TUBGCP3: variants seen among roughly 807,000 people sequenced by gnomAD.
The protein encoded by TUBGCP3 is tubulin gamma complex component 3.
Under a neutral mutation model 123.1 loss-of-function variants are expected in TUBGCP3, and 50 were observed. That is an observed-to-expected ratio of 0.41 (90% CI 0.32 to 0.51). The LOEUF (loss-of-function observed/expected upper bound fraction) is 0.51, where lower values mean the gene tolerates loss of function less well. TUBGCP3 is among the 20% of genes least tolerant of loss of function. The pLI, the probability that TUBGCP3 is intolerant of heterozygous loss-of-function variation, is 0.36. For synonymous variants in TUBGCP3, 405 were observed against 413.9 expected, an observed-to-expected ratio of 0.98 and a Z score of 0.26; for missense variants, 882 against 1,127.0, an observed-to-expected ratio of 0.78 and a Z score of 3.11.
intron 1 of TUBGCP3, among the ~76,000 whole-genome samples, chr13:112,575,490 A>G (rs1338599218): frequency 6.6e-6 from 1 of 152,226 alleles, no homozygotes; most frequent in Non-Finnish European, 1.5e-5. Context: ...GGAAAAACAG[A>G]CATTCACAAA....
At chr13:112,499,253 T>C in intron 19 of TUBGCP3, 68 bp from the exon 20 acceptor site, 2 of 1,513,526 alleles carry the variant, frequency 1.3e-6, no homozygotes, top group Non-Finnish European at 8.8e-7. Flanking sequence ...AAAACATTGA[T>C]ATTTAGTGAA....
intron 3 of TUBGCP3, among the ~76,000 whole-genome samples, chr13:112,561,740 C>T (rs557207622): frequency 1.3e-5 from 2 of 152,176 alleles, no homozygotes; most frequent in South Asian, 2.1e-4. Flanking sequence ...GTGAAATGAC[C>T]GGTAGGTGAA....
chr13:112,555,129 A>G (rs1435796871), intron 6 of TUBGCP3, 124 bp from the exon 7 acceptor site: 1 of 620,812 alleles, frequency 1.6e-6, no homozygotes, highest in Non-Finnish European at 2.8e-6. Context: ...AACTCAATAA[A>G]TAAGCTCAAG....
At chr13:112,525,924 T>C (rs1304170028) in intron 13 of TUBGCP3, among the ~76,000 whole-genome samples, 2 of 152,218 alleles carry the variant, frequency 1.3e-5, no homozygotes, top group African/African-American at 2.4e-5. Context: ...ATTTACACAG[T>C]ACTATATATA....
intron 3 of TUBGCP3, among the ~76,000 whole-genome samples, chr13:112,563,816 A>T (rs192287745): frequency 7.2e-5 from 11 of 152,040 alleles, no homozygotes; most frequent in African/African-American, 2.7e-4. Context: ...CAGAGCTTGC[A>T]GTGAGCCCAG....
chr13:112,577,224 GA>G (rs1054460940), intron 1 of TUBGCP3, among the ~76,000 whole-genome samples: 1 of 152,064 alleles, frequency 6.6e-6, no homozygotes, highest in Non-Finnish European at 1.5e-5. Flanking sequence ...AATACAGGCA[GA>G]AAAAAAGAGT....
intron 11 of TUBGCP3, among the ~76,000 whole-genome samples, chr13:112,538,177 A>G (rs1365560108): frequency 6.6e-6 from 1 of 152,196 alleles, no homozygotes; most frequent in Non-Finnish European, 1.5e-5. Flanking sequence ...TCTGAAATCC[A>G]GAATGCTCAA....
intron 20 of TUBGCP3, among the ~76,000 whole-genome samples, chr13:112,495,906 G>T (rs146532540): frequency 6.6e-6 from 1 of 152,268 alleles, no homozygotes; most frequent in East Asian, 1.9e-4. Flanking sequence ...GAATTTGAAT[G>T]CATCTATTTA....
At chr13:112,568,909 A>G (rs1443249386) in intron 2 of TUBGCP3, among the ~76,000 whole-genome samples, 1 of 152,260 alleles carries the variant, frequency 6.6e-6, no homozygotes, top group Admixed American at 6.5e-5. Flanking sequence ...ACAAATGGAA[A>G]GCTTTCTTCT....
chr13:112,588,056 C>T lies in TUBGCP3; in HGVS notation c.-76G>A. Reference sequence around the variant, plus strand: ...GCACGCGCAGGGACCGCGGCCCGCGCCCTTCCTGCGCCCCGCAAGCTCCCT... The same window carrying T: ...GCACGCGCAGGGACCGCGGCCCGCGTCCTTCCTGCGCCCCGCAAGCTCCCT... On this transcript the variant is annotated 5_prime_UTR_variant, in exon 1 of 22. Transcript: ENST00000261965. 8.0e-7 allele frequency: 1 copy of T among 1,242,668 alleles called. No homozygotes were observed. Among genetic ancestry groups the T allele is most frequent in the Non-Finnish European group, 1.0e-6 (1 of 954,446 alleles). The allele number at this position is 1,242,668 out of a possible 1,614,324, so 77.0% of individuals were successfully genotyped here.
At chr13:112,506,807 AT>A (rs1566539265) in intron 17 of TUBGCP3, among the ~76,000 whole-genome samples, 1 of 152,236 alleles carries the variant, frequency 6.6e-6, no homozygotes. Flanking sequence ...AAGGGGCATA[AT>A]AAAGTGTTGT....
the TUBGCP3 span, among the ~76,000 whole-genome samples, chr13:112,599,223 G>T: frequency 7.9e-5 from 12 of 152,120 alleles, no homozygotes; most frequent in East Asian, 5.8e-4. Flanking sequence ...GGTGCTGTTT[G>T]TCAGGTAAAG....
chr13:112,563,610 T>A (rs1880695152), intron 3 of TUBGCP3, among the ~76,000 whole-genome samples: 1 of 149,796 alleles, frequency 6.7e-6, no homozygotes, highest in Non-Finnish European at 1.5e-5. Flanking sequence ...ACGCCTGTAA[T>A]CCCACCACTT....
upstream of TUBGCP3, among the ~76,000 whole-genome samples, chr13:112,590,440 C>G (rs1882864007): frequency 6.6e-6 from 1 of 151,852 alleles, no homozygotes; most frequent in Admixed American, 6.6e-5. Flanking sequence ...AAACCTTGAC[C>G]CAGTTCTCCA....
At chr13:112,510,474 G>T (rs987065690) in intron 17 of TUBGCP3, among the ~76,000 whole-genome samples, 7 of 152,146 alleles carry the variant, frequency 4.6e-5, no homozygotes, top group Admixed American at 3.3e-4. Context: ...TCAAGACTAA[G>T]GATCCAGATG....
intron 16 of TUBGCP3, among the ~76,000 whole-genome samples, chr13:112,518,027 G>T (rs1229095455): frequency 1.3e-5 from 2 of 152,164 alleles, no homozygotes; most frequent in Non-Finnish European, 2.9e-5. Flanking sequence ...AAATTTAAGA[G>T]AAGTTATACA....
intron 8 of TUBGCP3, among the ~76,000 whole-genome samples, chr13:112,552,249 T>G (rs564275988): frequency 2.0e-5 from 3 of 152,350 alleles, no homozygotes; most frequent in South Asian, 2.1e-4. Context: ...TGTATTGATT[T>G]TGTGTGTGTG....
chr13:112,571,240 A>G (rs1413198170), intron 1 of TUBGCP3, among the ~76,000 whole-genome samples: 1 of 152,234 alleles, frequency 6.6e-6, no homozygotes, highest in East Asian at 1.9e-4. Context: ...ATCACTATCT[A>G]TGGCAACTAT....
intron 1 of TUBGCP3, among the ~76,000 whole-genome samples, chr13:112,576,273 A>G (rs533703172): frequency 1.4e-4 from 21 of 152,294 alleles, no homozygotes; most frequent in African/African-American, 4.8e-4. Context: ...TAAAGGTCCT[A>G]GAAATCTCTC....
Sources: allele counts gnomAD v4.1 joint callset (sites outside exome capture counted in the v4.1 genomes callset), GRCh38; gene constraint gnomAD v4.1.1; transcripts MANE v1.5; gene names NCBI Gene and HGNC (gene_info 2026-07-23, HGNC 2026-07-21).